The following CUX1 variants were observed in gnomAD, a reference collection of about 807,000 sequenced individuals.
CUX1 encodes the protein protein CASP.
Under a neutral mutation model 158.8 loss-of-function variants are expected in CUX1, and 31 were observed. The ratio of observed to expected loss-of-function variants is 0.20; its 90% confidence interval spans 0.15 to 0.26. CUX1 has a LOEUF of 0.26. CUX1 is among the 10% of genes least tolerant of loss of function. The probability of loss-of-function intolerance (pLI) is 1.00; values close to 1 mark genes in which losing one functional copy is unlikely to be tolerated. For missense variants in CUX1, 1,589 were observed against 2,014.6 expected (o/e 0.79, Z 4.04); for synonymous variants, 879 against 862.1 (o/e 1.02, Z -0.34).
chr7:101,865,063 C>CATAA (rs1797810700), intron 1 of CUX1, among the ~76,000 whole-genome samples: 1 of 152,040 alleles, frequency 6.6e-6, no homozygotes, highest in Admixed American at 6.6e-5. Flanking sequence ...CTCAGTTTAT[C>CATAA]ACAAAGATAC....
downstream of CUX1, among the ~76,000 whole-genome samples, chr7:102,261,433 G>A (rs1790390790): frequency 1.3e-5 from 2 of 152,126 alleles, no homozygotes; most frequent in African/African-American, 4.8e-5. Context: ...GGCGGAGGTT[G>A]CAGTGAGCCA....
intron 2 of CUX1, among the ~76,000 whole-genome samples, chr7:101,958,562 C>T (rs574393363): frequency 6.7e-5 from 10 of 150,016 alleles, no homozygotes; most frequent in Non-Finnish European, 1.2e-4. Context: ...CTCACTGCAC[C>T]CTCCACCTCC....
chr7:102,002,423 G>A (rs1231524240), intron 2 of CUX1, among the ~76,000 whole-genome samples: 3 of 152,220 alleles, frequency 2.0e-5, no homozygotes, highest in Admixed American at 1.3e-4. Context: ...GATGGCTGTG[G>A]GATTTGGGTG....
In CUX1 at chr7:101,817,679, G is replaced by A; in HGVS notation, c.30+10G>A. On this transcript the variant is annotated intron_variant, in intron 1 of 23. Coordinates refer to ENST00000292535, the MANE Select transcript of CUX1 (RefSeq NM_181552.4). This position sits in a 1 kb window ranked among gnomAD's most constrained non-coding sequence, Gnocchi z 4.1. ...CGGAGCCAGGTTGAAGGTGAGCGGC[G>A]TGTGGGCCAGAAGTCCCGAGGTTGC... 6.4e-7 allele frequency: 1 copy of A among 1,551,298 alleles called. No individual in the cohort carries two copies. Among genetic ancestry groups the A allele is most frequent in the Non-Finnish European group, 8.7e-7 (1 of 1,147,400 alleles).
chr7:102,031,425 TTA>T (rs1270876100), intron 3 of CUX1, among the ~76,000 whole-genome samples: 1 of 152,166 alleles, frequency 6.6e-6, no homozygotes, highest in African/African-American at 2.4e-5. Flanking sequence ...ATCTTGTAGA[TTA>T]GCCCACATTC....
chr7:102,090,705 C>CT (rs147510169), intron 4 of CUX1, among the ~76,000 whole-genome samples: 31,484 of 145,716 alleles, frequency 0.22, 3,742 homozygotes, highest in Non-Finnish European at 0.27. Context: ...TTTTTTTTTC[C>CT]TAGCTTTTCA....
At chr7:102,025,307 G>C (rs56392048) in intron 2 of CUX1, among the ~76,000 whole-genome samples, 18,881 of 151,434 alleles carry the variant, frequency 0.12, 1,235 homozygotes, top group Non-Finnish European at 0.15. Flanking sequence ...TATTGGTGCT[G>C]ACCACAGATA....
intron 6 of CUX1, among the ~76,000 whole-genome samples, chr7:102,104,991 A>G (rs1467780897): frequency 1.3e-5 from 2 of 152,152 alleles, no homozygotes; most frequent in Non-Finnish European, 2.9e-5. Flanking sequence ...GCCCAAGACT[A>G]TCCAAGCCGT....
chr7:102,211,375 G>C (rs1796501103), intron 20 of CUX1, among the ~76,000 whole-genome samples: 1 of 152,152 alleles, frequency 6.6e-6, no homozygotes, highest in South Asian at 2.1e-4. Context: ...GAACCCAGGA[G>C]GTGGAGGCTG....
At chr7:102,225,324 A>G (rs1554528309) in intron 20 of CUX1, among the ~76,000 whole-genome samples, 1 of 152,160 alleles carries the variant, frequency 6.6e-6, no homozygotes, top group African/African-American at 2.4e-5. Context: ...GTTTTATTTG[A>G]GGTTTTGCTC....
At chr7:102,098,377 C>G (rs1236023214) in intron 5 of CUX1, among the ~76,000 whole-genome samples, 3 of 152,102 alleles carry the variant, frequency 2.0e-5, no homozygotes, top group African/African-American at 7.2e-5. Context: ...TTTGAGAGGC[C>G]AAGGTGGGAG....
At chr7:101,941,583 G>A (rs1428865089) in intron 2 of CUX1, among the ~76,000 whole-genome samples, 1 of 152,212 alleles carries the variant, frequency 6.6e-6, no homozygotes, top group African/African-American at 2.4e-5. Context: ...TTTTCTTGCT[G>A]AGATTGTGGT....
chr7:102,014,543 G>A (rs1306590040), intron 2 of CUX1, among the ~76,000 whole-genome samples: 2 of 152,164 alleles, frequency 1.3e-5, no homozygotes, highest in East Asian at 3.8e-4. Context: ...CTGCAGTGAC[G>A]TTAGGTCCGC....
chr7:102,224,737 AAG>A (rs1798177271), intron 20 of CUX1, among the ~76,000 whole-genome samples: 1 of 152,332 alleles, frequency 6.6e-6, no homozygotes, highest in South Asian at 2.1e-4. Flanking sequence ...CACTGGAAGA[AAG>A]AACTGTACAG....
At chr7:102,193,996 C>A in intron 13 of CUX1, 106 bp downstream of exon 13, 1 of 1,092,352 alleles carries the variant, frequency 9.2e-7, no homozygotes, top group Non-Finnish European at 1.4e-6. Context: ...AGACCTCTCA[C>A]TTACAGCCGA....
intron 2 of CUX1, among the ~76,000 whole-genome samples, chr7:102,021,523 G>A (rs985058856): frequency 3.3e-5 from 5 of 151,726 alleles, no homozygotes; most frequent in African/African-American, 1.2e-4. Context: ...GCCCAAGCTG[G>A]TCCCGAATGC....
chr7:102,033,562 G>A (rs1263974088), intron 3 of CUX1, among the ~76,000 whole-genome samples: 1 of 152,166 alleles, frequency 6.6e-6, no homozygotes, highest in East Asian at 1.9e-4. Context: ...GCAACTTTCT[G>A]CCAATAAATA....
At chr7:102,103,162 C>A (rs1345554790) in intron 5 of CUX1, among the ~76,000 whole-genome samples, 1 of 152,138 alleles carries the variant, frequency 6.6e-6, no homozygotes, top group African/African-American at 2.4e-5. Context: ...CACTCTAGGA[C>A]TCCTCCAGGC....
At chr7:101,855,985 G>C (rs1325854576) in intron 1 of CUX1, among the ~76,000 whole-genome samples, 4 of 151,626 alleles carry the variant, frequency 2.6e-5, no homozygotes, top group Non-Finnish European at 5.9e-5. Flanking sequence ...TTTGTGACTA[G>C]CCTGGGCAAC....
Sources: allele counts gnomAD v4.1 joint callset (sites outside exome capture counted in the v4.1 genomes callset), GRCh38; gene constraint gnomAD v4.1.1; non-coding constraint Gnocchi (gnomAD v3.1); transcripts MANE v1.5; gene names NCBI Gene and HGNC (gene_info 2026-07-23, HGNC 2026-07-21).